The following ADAMTS5 variants were observed in gnomAD, a reference collection of about 807,000 sequenced individuals.
ADAMTS5 encodes ADAM metallopeptidase with thrombospondin type 1 motif 5, also known as A disintegrin and metalloproteinase with thrombospondin motifs 5.
ADAMTS5 carries 54 observed loss-of-function variants against 81.4 expected under a neutral mutation model. The observed-to-expected ratio is 0.66, with a 90% CI of 0.53 to 0.83. The LOEUF is 0.83. Among genes scored for constraint, ADAMTS5 ranks in the 40% least tolerant of loss-of-function variants. ADAMTS5 has a pLI of 0.00. For missense variants in ADAMTS5, 1,194 were observed against 1,229.9 expected, an observed-to-expected ratio of 0.97 and a Z score of 0.44; for synonymous variants, 532 against 508.8, an observed-to-expected ratio of 1.05 and a Z score of -0.61.
intron 1 of ADAMTS5, among the ~76,000 whole-genome samples, chr21:26,964,283 C>T (rs1353192492): frequency 6.6e-6 from 1 of 152,170 alleles, no homozygotes; most frequent in Non-Finnish European, 1.5e-5. Flanking sequence ...AAGCCAGGCC[C>T]CAAACCAACC....
At chr21:26,949,534 A>G (rs2123193882) in intron 2 of ADAMTS5, among the ~76,000 whole-genome samples, 1 of 152,262 alleles carries the variant, frequency 6.6e-6, no homozygotes, top group East Asian at 1.9e-4. Context: ...GAAACTTCCT[A>G]AACATAAAAG....
intron 4 of ADAMTS5, among the ~76,000 whole-genome samples, chr21:26,933,457 A>G (rs1269194366): frequency 1.3e-5 from 2 of 152,188 alleles, no homozygotes; most frequent in East Asian, 3.9e-4. Flanking sequence ...GGCACTGGGC[A>G]TTATTTAATT....
intron 2 of ADAMTS5, among the ~76,000 whole-genome samples, chr21:26,950,738 A>G (rs1987300762): frequency 2.0e-5 from 3 of 152,226 alleles, no homozygotes; most frequent in Non-Finnish European, 2.9e-5. Context: ...GTAAGTTTTC[A>G]TAATTGTTCA....
intron 2 of ADAMTS5, among the ~76,000 whole-genome samples, chr21:26,953,456 C>G (rs162509): frequency 0.56 from 84,777 of 151,990 alleles, 24,275 homozygotes; most frequent in South Asian, 0.67. Context: ...TGTTTTACTG[C>G]GGCAATATTG....
chr21:26,931,263 T>G (rs1452971551), intron 6 of ADAMTS5, among the ~76,000 whole-genome samples: 5 of 152,154 alleles, frequency 3.3e-5, no homozygotes, highest in African/African-American at 1.2e-4. Flanking sequence ...GTCAGGATGG[T>G]CTTGATCTCC....
At chr21:26,957,443 T>C (rs1279685470) in intron 1 of ADAMTS5, among the ~76,000 whole-genome samples, 2 of 77,324 alleles carry the variant, frequency 2.6e-5, no homozygotes, top group Non-Finnish European at 2.7e-5. Flanking sequence ...GATAGATGGA[T>C]AGATGATAGA....
At chr21:26,945,614 G>A (rs1987200804) in intron 2 of ADAMTS5, among the ~76,000 whole-genome samples, 1 of 152,168 alleles carries the variant, frequency 6.6e-6, no homozygotes, top group South Asian at 2.1e-4. Context: ...TGAGGGACCT[G>A]AGAAAGTACC....
intron 3 of ADAMTS5, among the ~76,000 whole-genome samples, chr21:26,940,498 T>G (rs915450065): frequency 6.6e-6 from 1 of 152,188 alleles, no homozygotes; most frequent in Admixed American, 6.5e-5. Flanking sequence ...TCAGGCTATT[T>G]ATAGCCTTTC....
At position 26,955,856 on chromosome 21, in the gene ADAMTS5, G is replaced by A. The variant is rs1465680123; in HGVS notation, c.1105-985C>T. 2.6e-5 allele frequency among the ~76,000 whole-genome samples: 4 copies of A among 152,252 alleles called. No homozygotes were observed. In the East Asian group the frequency reaches 7.7e-4, roughly 29 times the overall value. ...AAGAGCAAGATCGTGTTTCTAGTAA[G>A]CCATAAGTTAGGAACTCTAAAAGGA... On this transcript the variant is annotated intron_variant, in intron 1 of 7. Coordinates refer to ENST00000284987, the MANE Select transcript of ADAMTS5 (RefSeq NM_007038.5).
At position 26,918,230 on chromosome 21, in the gene ADAMTS5, C is replaced by T. The variant is rs2123223731; in HGVS notation, c.*5823G>A. 6.6e-6 allele frequency: 1 copy of T among 152,508 alleles called. No homozygotes were observed. The highest frequency in any genetic ancestry group is 2.1e-4 in the South Asian group (1 of 4,818). 9.4% of individuals were successfully genotyped at this position (152,508 alleles called of 1,614,324 possible). A position where few individuals can be genotyped will look rare whatever the true frequency, so the allele number is the denominator to read the frequency against. On this transcript the variant is annotated 3_prime_UTR_variant, in exon 8 of 8. Coordinates refer to ENST00000284987, the MANE Select transcript of ADAMTS5 (RefSeq NM_007038.5). Reference sequence around the variant, plus strand: ...TCCAAGATTTTTGGTTTTTCAACTGCATTATATACCATTGCTTCTGGAAAA... The same window carrying T: ...TCCAAGATTTTTGGTTTTTCAACTGTATTATATACCATTGCTTCTGGAAAA...
In ADAMTS5 at chr21:26,966,450, G is replaced by A; in HGVS notation, c.-59C>T. 1 of 1,382,272 alleles carries A rather than the reference G, an allele frequency of 7.2e-7. No individual in the cohort carries two copies. Among genetic ancestry groups the A allele is most frequent in the Non-Finnish European group, 9.3e-7 (1 of 1,075,628 alleles). The allele number at this position is 1,382,272 out of a possible 1,614,324, so 85.6% of individuals were successfully genotyped here. A position where few individuals can be genotyped will look rare whatever the true frequency, so the allele number is the denominator to read the frequency against. On this transcript the variant is annotated 5_prime_UTR_variant, in exon 1 of 8. Coordinates refer to ENST00000284987, the MANE Select transcript of ADAMTS5 (RefSeq NM_007038.5). ...GGGACTTTATGGGTATTTGTTATTT[G>A]CTATGAAGTTAACGGGGCGGGGGAT...
At chr21:26,935,822 C>G (rs1221078226) in intron 3 of ADAMTS5, among the ~76,000 whole-genome samples, 1 of 152,116 alleles carries the variant, frequency 6.6e-6, no homozygotes, top group Non-Finnish European at 1.5e-5. Context: ...ATGCATATTG[C>G]CCATCTGTTT....
chr21:26,940,919 A>T (rs162487), intron 3 of ADAMTS5, among the ~76,000 whole-genome samples: 74,423 of 151,892 alleles, frequency 0.49, 19,900 homozygotes, highest in Non-Finnish European at 0.61. Flanking sequence ...TTTGGTTACA[A>T]TTTAAAAGTT....
intron 2 of ADAMTS5, among the ~76,000 whole-genome samples, chr21:26,949,472 C>A (rs1005010373): frequency 2.6e-5 from 4 of 152,020 alleles, no homozygotes; most frequent in Admixed American, 6.6e-5. Context: ...AGCCACCACA[C>A]CAGCCAACAA....
In ADAMTS5 at chr21:26,959,268, A is replaced by C. The variant is rs567502986; in HGVS notation, c.1105-4397T>G. ...GAGAAGCACTGTGTAAATCATTTACATGCTTTGAGACAAAGTTCCCTCATC... is the reference window on the plus strand; with the variant it reads ...GAGAAGCACTGTGTAAATCATTTACCTGCTTTGAGACAAAGTTCCCTCATC... On this transcript the variant is annotated intron_variant, in intron 1 of 7. Transcript: ENST00000284987. 2.6e-5 allele frequency among the ~76,000 whole-genome samples: 4 copies of C among 152,346 alleles called. No individual in the cohort carries two copies. In the East Asian group the frequency reaches 7.7e-4, roughly 29 times the overall value.
intron 3 of ADAMTS5, among the ~76,000 whole-genome samples, chr21:26,938,816 C>A (rs1307569866): frequency 1.3e-5 from 2 of 152,228 alleles, no homozygotes; most frequent in Non-Finnish European, 2.9e-5. Flanking sequence ...AGGGAGTGAG[C>A]CACCATGCCC....
intron 1 of ADAMTS5, among the ~76,000 whole-genome samples, chr21:26,956,507 A>G (rs1987430133): frequency 6.6e-6 from 1 of 152,176 alleles, no homozygotes; most frequent in African/African-American, 2.4e-5. Context: ...AAATTGGAAC[A>G]CACTTTTGCA....
rs541244067 is a variant in ADAMTS5, at chr21:26,944,096, CAAAG to C, written c.1238-553_1238-550del. Among the ~76,000 whole-genome samples the C allele has an allele frequency of 4.6e-3, 694 of 152,172 alleles. 1 individual carries two copies. The highest frequency in any genetic ancestry group is 7.2e-3 in the Non-Finnish European group (492 of 68,002). ...TAATAAAAGGGAGGACTAGGGGAGA[CAAAG>C]AAAGAGAAGTGAAATGAGGAAGTTT... On this transcript the variant is annotated intron_variant, in intron 2 of 7. Coordinates refer to ENST00000284987, the MANE Select transcript of ADAMTS5 (RefSeq NM_007038.5).
At chr21:26,947,421 T>TTTTTTC (rs1229773316) in intron 2 of ADAMTS5, among the ~76,000 whole-genome samples, 6 of 152,046 alleles carry the variant, frequency 3.9e-5, no homozygotes, top group South Asian at 2.1e-4. Flanking sequence ...TTTATTTTCT[T>TTTTTTC]TTTTTCTTTT....
Sources: allele counts gnomAD v4.1 joint callset (sites outside exome capture counted in the v4.1 genomes callset), GRCh38; gene constraint gnomAD v4.1.1; transcripts MANE v1.5; gene names NCBI Gene and HGNC (gene_info 2026-07-23, HGNC 2026-07-21).